The following RBFOX1 variants were observed in gnomAD, a reference collection of about 807,000 sequenced individuals.
The protein encoded by RBFOX1 is RNA binding fox-1 homolog 1.
In RBFOX1, 8 loss-of-function variants were observed where a neutral mutation model predicts 57.7. The observed-to-expected ratio is 0.14, with a 90% confidence interval of 0.08 to 0.25. The LOEUF is 0.25. Among genes scored for constraint, RBFOX1 ranks in the 10% least tolerant of loss-of-function variants. The probability of loss-of-function intolerance (pLI) is 1.00; values close to 1 mark genes in which losing one functional copy is unlikely to be tolerated. For synonymous variants in RBFOX1, 326 were observed against 222.4 expected (o/e 1.47, Z -4.15); for missense variants, 611 against 548.5 (o/e 1.11, Z -1.14).
At chr16:7,348,164 CACAA>C (rs1222531818) in intron 4 of RBFOX1, among the ~76,000 whole-genome samples, 4 of 152,144 alleles carry the variant, frequency 2.6e-5, no homozygotes, top group African/African-American at 9.7e-5. Flanking sequence ...AAACAAAAAG[CACAA>C]ACAAACATAC....
intron 2 of RBFOX1, among the ~76,000 whole-genome samples, chr16:5,524,590 G>T (rs2044163384): frequency 1.3e-5 from 2 of 151,380 alleles, no homozygotes; most frequent in East Asian, 2.0e-4. Flanking sequence ...GCCCAGGCTG[G>T]AGTGCAGTGG....
chr16:6,859,236 A>C (rs145078213), intron 3 of RBFOX1, among the ~76,000 whole-genome samples: 3,968 of 135,884 alleles, frequency 0.029, 201 homozygotes, highest in East Asian at 0.21. Flanking sequence ...TCAATCCAAT[A>C]AGAACATGAT....
chr16:6,277,463 A>AAAAAAC (rs1436939365), intron 1 of RBFOX1, among the ~76,000 whole-genome samples: 5 of 150,572 alleles, frequency 3.3e-5, no homozygotes, highest in South Asian at 2.1e-4. Flanking sequence ...TCTCCCAAAA[A>AAAAAAC]AAAAAAAAAA....
At chr16:7,527,474 T>C (rs1242372597) in intron 5 of RBFOX1, among the ~76,000 whole-genome samples, 1 of 152,150 alleles carries the variant, frequency 6.6e-6, no homozygotes, top group Admixed American at 6.5e-5. Context: ...TTTTTTGGAC[T>C]GGGGTTTCAG....
At chr16:5,741,562 G>C (rs1477942646) in intron 3 of RBFOX1, among the ~76,000 whole-genome samples, 1 of 152,148 alleles carries the variant, frequency 6.6e-6, no homozygotes, top group Non-Finnish European at 1.5e-5. Context: ...AATCATTAAA[G>C]GAGATGTAAA....
intron 3 of RBFOX1, among the ~76,000 whole-genome samples, chr16:6,744,791 AAAAG>A (rs1427372090): frequency 6.6e-6 from 1 of 152,086 alleles, no homozygotes; most frequent in African/African-American, 2.4e-5. Context: ...GAAAAATAGA[AAAAG>A]AAGGTGAACT....
chr16:7,168,844 A>C (rs2080103824), intron 4 of RBFOX1, among the ~76,000 whole-genome samples: 1 of 152,206 alleles, frequency 6.6e-6, no homozygotes, highest in Admixed American at 6.5e-5. Flanking sequence ...CATTCTCCTG[A>C]CATGAACAAA....
In RBFOX1 at chr16:6,416,746, C is replaced by T. The variant is rs181937509; in HGVS notation, c.-64+99689C>T. On this transcript the variant is annotated intron_variant, in intron 2 of 15. Transcript: ENST00000550418. ...CTGCGGCCTGTACCTCCTTGTCCAG[C>T]AATACCATACTAATAACATACCTTA... 3.4e-3 allele frequency among the ~76,000 whole-genome samples: 514 copies of T among 152,252 alleles called. 3 individuals carry two copies. Among genetic ancestry groups the T allele is most frequent in the Middle Eastern group, 6.8e-3 (2 of 294 alleles).
chr16:7,273,200 C>CCCTCCTT, intron 4 of RBFOX1, among the ~76,000 whole-genome samples: 1 of 53,344 alleles, frequency 1.9e-5, no homozygotes, highest in African/African-American at 7.8e-5. Context: ...CTTCCTTCCT[C>CCCTCCTT]CCTCCCTTCC....
At chr16:6,202,462 GA>G (rs1427780644) in intron 1 of RBFOX1, among the ~76,000 whole-genome samples, 1 of 151,756 alleles carries the variant, frequency 6.6e-6, no homozygotes, top group African/African-American at 2.4e-5. Context: ...GGCTTGGAGG[GA>G]AAAAAAGACT....
At position 6,586,691 on chromosome 16, in the gene RBFOX1, G is replaced by A. The variant is rs576861721; in HGVS notation, c.-63-67912G>A. Reference sequence around the variant, plus strand: ...GCAAGATGGCTTCCAGCAGGGATACGCTTACATCATCCCAGCTCAGGAGCC... The same window carrying A: ...GCAAGATGGCTTCCAGCAGGGATACACTTACATCATCCCAGCTCAGGAGCC... On this transcript the variant is annotated intron_variant, in intron 2 of 15. Coordinates refer to ENST00000550418, the MANE Select transcript of RBFOX1 (RefSeq NM_018723.4). Among the ~76,000 whole-genome samples the A allele has an allele frequency of 5.3e-5, 8 of 152,236 alleles. No homozygotes were observed. The South Asian group carries it at 6.2e-4, about 12-fold the overall frequency.
chr16:7,595,143 GT>G (rs2094621751), intron 7 of RBFOX1, among the ~76,000 whole-genome samples: 1 of 152,044 alleles, frequency 6.6e-6, no homozygotes, highest in Non-Finnish European at 1.5e-5. Flanking sequence ...TCGTGCACAC[GT>G]TTTATTTTAT....
chr16:5,726,126 C>A (rs144176711), intron 3 of RBFOX1, among the ~76,000 whole-genome samples: 9 of 151,488 alleles, frequency 5.9e-5, no homozygotes, highest in South Asian at 2.1e-4. Context: ...ATGGGTTTCT[C>A]TGATTTAAAC....
intron 3 of RBFOX1, among the ~76,000 whole-genome samples, chr16:5,832,083 C>T (rs1597419100): frequency 6.6e-6 from 1 of 152,142 alleles, no homozygotes; most frequent in East Asian, 1.9e-4. Context: ...GTTGAGGAGG[C>T]AGGGCATAGC....
At chr16:6,396,055 G>A in intron 2 of RBFOX1, among the ~76,000 whole-genome samples, 1 of 97,412 alleles carries the variant, frequency 1.0e-5, no homozygotes, top group African/African-American at 4.7e-5. Flanking sequence ...GACAGAGCAA[G>A]ACTCCTTCTC....
chr16:6,688,052 C>A (rs970500463), intron 3 of RBFOX1, among the ~76,000 whole-genome samples: 1 of 152,144 alleles, frequency 6.6e-6, no homozygotes, highest in Admixed American at 6.5e-5. Context: ...CATTCTTGCA[C>A]TGCCATAGAC....
chr16:5,252,070 T>C (rs2151080042), intron 1 of RBFOX1, among the ~76,000 whole-genome samples: 1 of 152,228 alleles, frequency 6.6e-6, no homozygotes, highest in African/African-American at 2.4e-5. Flanking sequence ...TCCTGCTTCA[T>C]TAGGACACCT....
At chr16:7,684,676 C>A (rs1275950494) in intron 14 of RBFOX1, among the ~76,000 whole-genome samples, 3 of 151,198 alleles carry the variant, frequency 2.0e-5, no homozygotes, top group African/African-American at 7.3e-5. Context: ...CAATTCTTGC[C>A]TTTCATGGTT....
chr16:5,270,906 A>G lies in RBFOX1; in HGVS notation c.219+30801A>G, dbSNP rs1362703213. 10 of 412,490 alleles carry G rather than the reference A, an allele frequency of 2.4e-5. No individual in the cohort carries two copies. The East Asian group carries it at 6.5e-4, about 27-fold the overall frequency. 25.6% of individuals were successfully genotyped at this position (412,490 alleles called of 1,614,324 possible). On this transcript the variant is annotated intron_variant, in intron 1 of 2. Coordinates refer to the RBFOX1 transcript ENST00000585867. Reference sequence around the variant, plus strand: ...CCACTAGGGACGAGACACATGCTAAAGTTGAATGAGCTGATGGGTATGAAC... The same window carrying G: ...CCACTAGGGACGAGACACATGCTAAGGTTGAATGAGCTGATGGGTATGAAC...
Sources: gnomAD v4.1 joint callset for allele counts (sites outside exome capture counted in the v4.1 genomes callset) on GRCh38, gnomAD v4.1.1 for gene constraint, MANE v1.5 for transcripts, NCBI Gene and HGNC (gene_info 2026-07-23, HGNC 2026-07-21) for gene names.